Variants in COPG2 observed in about 807,000 individuals in gnomAD.
COPG2 encodes the protein coatomer subunit gamma-2.
Under a neutral mutation model 46.3 loss-of-function variants are expected in COPG2, and 37 were observed. The observed-to-expected ratio is 0.80, with a 90% CI of 0.61 to 1.05. COPG2 has a LOEUF of 1.05. COPG2 is among the 50% of genes least tolerant of loss of function. COPG2 has a pLI of 0.00. For missense variants in COPG2, 427 were observed against 387.8 expected, an observed-to-expected ratio of 1.10 and a Z score of -0.85; for synonymous variants, 159 against 129.7, an observed-to-expected ratio of 1.23 and a Z score of -1.53.
At chr7:130,631,853 C>T (rs1400602150) in intron 5 of COPG2, among the ~76,000 whole-genome samples, 1 of 152,140 alleles carries the variant, frequency 6.6e-6, no homozygotes, top group Non-Finnish European at 1.5e-5. Context: ...TTGCATAGAT[C>T]CATATCTTCA....
rs542206372 is a variant in COPG2 at position 130,591,660 on chromosome 7, C to A, written c.737+19293G>T. On this transcript the variant is annotated intron_variant, in intron 9 of 23. Transcript: ENST00000425248. Reference sequence around the variant, plus strand: ...GTCCGGTTGGTGAGGGGCGCCTCTGCCCGGCCGCCCCTACTGGGAAGTGAG... The same window carrying A: ...GTCCGGTTGGTGAGGGGCGCCTCTGACCGGCCGCCCCTACTGGGAAGTGAG... 2.1e-5 allele frequency among the ~76,000 whole-genome samples: 3 copies of A among 145,272 alleles called. No homozygotes were observed. In the South Asian group the frequency reaches 6.6e-4, roughly 32 times the overall value.
chr7:130,624,384 CTA>C (rs1217348413), intron 5 of COPG2, among the ~76,000 whole-genome samples: 2 of 152,068 alleles, frequency 1.3e-5, no homozygotes, highest in African/African-American at 4.8e-5. Flanking sequence ...ATTATGTCCT[CTA>C]TGTGCTGTTT....
chr7:130,612,772 C>T (rs1554452307), intron 7 of COPG2, among the ~76,000 whole-genome samples: 1 of 152,006 alleles, frequency 6.6e-6, no homozygotes, highest in Non-Finnish European at 1.5e-5. Context: ...AAAAAAAGAC[C>T]ACTTCCTGGG....
At chr7:130,668,433 G>A (rs1321934950) in intron 1 of COPG2, among the ~76,000 whole-genome samples, 199 bp downstream of exon 1, 3 of 148,946 alleles carry the variant, frequency 2.0e-5, no homozygotes, top group African/African-American at 4.9e-5. Context: ...CGGCCCGAAG[G>A]GAGGCTCCGG....
intron 5 of COPG2, among the ~76,000 whole-genome samples, chr7:130,624,436 T>C (rs1194183481): frequency 1.3e-5 from 2 of 152,142 alleles, no homozygotes; most frequent in Non-Finnish European, 2.9e-5. Context: ...TTTATTTCAA[T>C]AGTTTTAGGG....
intron 20 of COPG2, among the ~76,000 whole-genome samples, chr7:130,528,527 A>T (rs903748020): frequency 1.5e-3 from 228 of 152,198 alleles, no homozygotes; most frequent in African/African-American, 4.7e-3. Context: ...GGTACCTGAG[A>T]TCACGAATTA....
At position 130,547,984 on chromosome 7, in the gene COPG2, T is replaced by G. The variant is rs999422831; in HGVS notation, c.1978-139A>C. Reference sequence around the variant, plus strand: ...AGGTCTCCTCCTAAGATTCTTCTTTTGGCAACAGGGAGAGCCTTATTCTTG... The same window carrying G: ...AGGTCTCCTCCTAAGATTCTTCTTTGGGCAACAGGGAGAGCCTTATTCTTG... On this transcript the variant is annotated intron_variant, in intron 19 of 23. Transcript: ENST00000425248. 2.0e-5 allele frequency: 8 copies of G among 397,384 alleles called. No individual in the cohort carries two copies. The Admixed American group carries it at 3.5e-4, about 17-fold the overall frequency. The allele number at this position is 397,384 out of a possible 1,614,324, so 24.6% of individuals were successfully genotyped here.
intron 5 of COPG2, among the ~76,000 whole-genome samples, chr7:130,629,325 G>T (rs10272206): frequency 6.6e-6 from 1 of 151,448 alleles, no homozygotes; most frequent in African/African-American, 2.4e-5. Context: ...ATTAATTTTG[G>T]GGAAAAAAAT....
chr7:130,644,609 T>C (rs1357841492), intron 5 of COPG2, among the ~76,000 whole-genome samples: 1 of 152,172 alleles, frequency 6.6e-6, no homozygotes, highest in Non-Finnish European at 1.5e-5. Context: ...GGGGGATAAA[T>C]AGTGTCTTCC....
At chr7:130,629,468 C>G (rs1554454835) in intron 5 of COPG2, among the ~76,000 whole-genome samples, 1 of 148,090 alleles carries the variant, frequency 6.8e-6, no homozygotes, top group African/African-American at 2.5e-5. Context: ...GATCTCGGCT[C>G]ACTGCAACCT....
chr7:130,668,540 C>G (rs1332624413), intron 1 of COPG2, 92 bp downstream of exon 1: 38 of 1,272,498 alleles, frequency 3.0e-5, no homozygotes, highest in Non-Finnish European at 3.4e-5. Context: ...GGCGCCCACG[C>G]CCCCAGCCCC....
At position 130,668,619 on chromosome 7, in the gene COPG2, G is replaced by A; in HGVS notation, c.37+13C>T. On this transcript the variant is annotated intron_variant, in intron 1 of 23. Transcript: ENST00000425248. ...CCGCGGCTGAGGGTGGGCCTCGGAA[G>A]CCCCGCGCGTACCAGACTCCTCGTC... is the stretch of plus-strand genomic sequence containing the variant. The A allele has an allele frequency of 3.3e-6, 5 of 1,528,632 alleles. No homozygotes were observed. The highest frequency in any genetic ancestry group is 2.8e-5 in the East Asian group (1 of 35,628). 94.7% of individuals were successfully genotyped at this position (1,528,632 alleles called of 1,614,324 possible).
chr7:130,532,374 C>T (rs933794446), intron 20 of COPG2, among the ~76,000 whole-genome samples: 41 of 152,016 alleles, frequency 2.7e-4, no homozygotes, highest in African/African-American at 9.6e-4. Context: ...GATCTGTTGT[C>T]ATGGGGAGGG....
chr7:130,512,052 T>TAAAA (rs1182017221), intron 20 of COPG2, among the ~76,000 whole-genome samples: 17 of 99,036 alleles, frequency 1.7e-4, no homozygotes, highest in East Asian at 2.8e-4. Context: ...CTGTGTCTTC[T>TAAAA]AAAAAAAAAA....
chr7:130,609,269 G>C (rs1554451685), intron 9 of COPG2, among the ~76,000 whole-genome samples: 1 of 152,126 alleles, frequency 6.6e-6, no homozygotes, highest in Admixed American at 6.5e-5. Context: ...CATGTGTTAT[G>C]GGAGGGACCA....
rs370639788 is a variant in COPG2 at position 130,617,035 on chromosome 7, A to T, written c.354T>A (p.Asp118Glu). Residue 118 changes from aspartate (D) to glutamate (E), a missense_variant, in exon 6 of 24, where the codon GAT becomes GAA. Physicochemically the swap from Asp to Glu is conservative, Grantham distance 45. Coordinates refer to ENST00000425248, the MANE Select transcript of COPG2 (RefSeq NM_012133.6). ...CTCTGATGGCCGGGCCTCGGTATAC[A>T]TCTTCTTTTCCAGTCATGTCTTTAG... The part of the protein sequence containing the change: ...SLTKDMTGKE[D>E]VYRGPAIRAL... The T allele has an allele frequency of 1.4e-5, 23 of 1,611,000 alleles. No individual in the cohort carries two copies. Among genetic ancestry groups the T allele is most frequent in the Non-Finnish European group, 2.0e-5 (23 of 1,178,128 alleles).
intron 4 of COPG2, among the ~76,000 whole-genome samples, chr7:130,654,836 TG>T (rs1795817760): frequency 1.8e-5 from 1 of 56,560 alleles, no homozygotes; most frequent in Admixed American, 2.7e-4. Context: ...TGGGTTTTTT[TG>T]TTTGTTTGTT....
At chr7:130,604,341 T>C (rs1794691119) in intron 9 of COPG2, among the ~76,000 whole-genome samples, 1 of 152,246 alleles carries the variant, frequency 6.6e-6, no homozygotes. Context: ...CCATAAATGT[T>C]ATATGCCTCA....
intron 14 of COPG2, among the ~76,000 whole-genome samples, chr7:130,552,915 T>C (rs1365611374): frequency 6.6e-6 from 1 of 152,208 alleles, no homozygotes; most frequent in African/African-American, 2.4e-5. Flanking sequence ...GATAGGTATG[T>C]AGAGAGACAA....
Sources: gnomAD v4.1 joint callset for allele counts (sites outside exome capture counted in the v4.1 genomes callset) on GRCh38, gnomAD v4.1.1 for gene constraint, MANE v1.5 for transcripts, NCBI Gene and HGNC (gene_info 2026-07-23, HGNC 2026-07-21) for gene names.